Variants in TMEM38B observed in about 807,000 individuals in gnomAD.
TMEM38B encodes transmembrane protein 38B.
A neutral mutation model predicts 28.7 loss-of-function variants in TMEM38B; 24 were observed. That is an observed-to-expected ratio of 0.84 (90% CI 0.61 to 1.18). The LOEUF is 1.18. Among genes scored for constraint, TMEM38B ranks in the 50% most tolerant of loss-of-function variants. The probability of loss-of-function intolerance (pLI) is 0.00; values close to 1 mark genes in which losing one functional copy is unlikely to be tolerated. For missense variants in TMEM38B, 380 were observed against 350.9 expected (o/e 1.08, Z -0.66); for synonymous variants, 131 against 127.7 (o/e 1.03, Z -0.17).
intron 5 of TMEM38B, among the ~76,000 whole-genome samples, chr9:105,754,727 C>G (rs755300881): frequency 6.6e-6 from 1 of 152,010 alleles, no homozygotes; most frequent in South Asian, 2.1e-4. Flanking sequence ...ACTAGAGAAC[C>G]AAGAGGAAAC....
Position 105,721,651 on chromosome 9 carries a change from T to C in TMEM38B, c.384T>C (p.Gly128=). The change falls in exon 3 of 6, where the codon GGT becomes GGC. Residue 128 remains glycine, a synonymous_variant. Coordinates refer to ENST00000374692, the MANE Select transcript of TMEM38B (RefSeq NM_018112.3). ...KEVTRTWKIV[G]GVTHANSYYK... The stretch of plus-strand genomic sequence containing the variant: ...TGACCAGAACTTGGAAAATAGTAGG[T>C]GGAGTCACACATGCTAATAGCTATT... 1 of 1,613,686 alleles carries C rather than the reference T, an allele frequency of 6.2e-7. No homozygotes were observed. The highest frequency in any genetic ancestry group is 8.5e-7 in the Non-Finnish European group (1 of 1,179,706).
chr9:105,753,233 A>G (rs1214872155), intron 5 of TMEM38B, among the ~76,000 whole-genome samples: 1 of 152,208 alleles, frequency 6.6e-6, no homozygotes, highest in Non-Finnish European at 1.5e-5. Context: ...ACCAAGTTGG[A>G]AAACATACTT....
At chr9:105,738,791 C>A (rs1228787259) in intron 4 of TMEM38B, among the ~76,000 whole-genome samples, 1 of 148,686 alleles carries the variant, frequency 6.7e-6, no homozygotes, top group Non-Finnish European at 1.5e-5. Flanking sequence ...TGTCACAGCT[C>A]ACTGCAGCCT....
chr9:105,703,846 CT>C (rs1835545614), intron 1 of TMEM38B, among the ~76,000 whole-genome samples: 1 of 152,058 alleles, frequency 6.6e-6, no homozygotes, highest in South Asian at 2.1e-4. Context: ...TAGATGTCTT[CT>C]TTTGAGAAGT....
chr9:105,772,678 A>C (rs532069804), intron 5 of TMEM38B, among the ~76,000 whole-genome samples: 2 of 152,164 alleles, frequency 1.3e-5, no homozygotes, highest in Non-Finnish European at 2.9e-5. Flanking sequence ...TTTTTTTAAA[A>C]ATTGAGTTCA....
chr9:105,741,914 T>C (rs1189960804), intron 4 of TMEM38B, among the ~76,000 whole-genome samples: 1 of 152,160 alleles, frequency 6.6e-6, no homozygotes, highest in Non-Finnish European at 1.5e-5. Context: ...GTTGAAGGGA[T>C]TGGATGTTTG....
At chr9:105,768,069 A>T (rs1357333256) in intron 5 of TMEM38B, among the ~76,000 whole-genome samples, 2 of 152,110 alleles carry the variant, frequency 1.3e-5, no homozygotes, top group East Asian at 3.8e-4. Context: ...TAAGCATCTT[A>T]TAGATATCCT....
intron 1 of TMEM38B, among the ~76,000 whole-genome samples, chr9:105,696,985 A>C (rs1835310994): frequency 6.6e-6 from 1 of 152,236 alleles, no homozygotes; most frequent in South Asian, 2.1e-4. Context: ...ATAATTTCTA[A>C]GATGCTAAGT....
At chr9:105,713,088 T>A (rs1220423833) in intron 2 of TMEM38B, among the ~76,000 whole-genome samples, 1 of 152,164 alleles carries the variant, frequency 6.6e-6, no homozygotes, top group African/African-American at 2.4e-5. Context: ...TCCAAGTTGG[T>A]GGGGCTGGAG....
At chr9:105,734,889 A>T (rs549057692) in intron 4 of TMEM38B, among the ~76,000 whole-genome samples, 6 of 149,046 alleles carry the variant, frequency 4.0e-5, no homozygotes, top group African/African-American at 1.2e-4. Context: ...TTGTCAGTTC[A>T]ACCATTATAT....
intron 5 of TMEM38B, chr9:105,759,879 G>T (rs1837971583): frequency 1.3e-6 from 2 of 1,591,274 alleles, no homozygotes; most frequent in East Asian, 4.5e-5. Flanking sequence ...GTACAAGAAG[G>T]AATAGTTGTA....
At chr9:105,745,532 T>C (rs1388663824) in intron 4 of TMEM38B, among the ~76,000 whole-genome samples, 2 of 152,218 alleles carry the variant, frequency 1.3e-5, no homozygotes, top group Non-Finnish European at 2.9e-5. Context: ...TCCCATTCTG[T>C]AGGTTGCCTG....
chr9:105,714,331 C>T (rs925832340), intron 2 of TMEM38B, among the ~76,000 whole-genome samples: 31 of 152,200 alleles, frequency 2.0e-4, no homozygotes, highest in African/African-American at 6.8e-4. Flanking sequence ...GCTCACCCTC[C>T]ACTTGTCTGA....
At chr9:105,749,188 T>C (rs1837551216) in intron 5 of TMEM38B, 1 of 1,061,152 alleles carries the variant, frequency 9.4e-7, no homozygotes, top group African/African-American at 1.7e-5. Flanking sequence ...GTATATTTTT[T>C]TCTAACAGCT....
intron 5 of TMEM38B, among the ~76,000 whole-genome samples, chr9:105,768,029 G>A (rs1826430479): frequency 6.6e-6 from 1 of 152,050 alleles, no homozygotes; most frequent in South Asian, 2.1e-4. Context: ...AAAACATTCA[G>A]CCTTTTAACT....
chr9:105,700,930 A>G (rs1835443990), intron 1 of TMEM38B: 1 of 152,026 alleles, frequency 6.6e-6, no homozygotes, highest in Admixed American at 6.6e-5. Context: ...ACATGATTTA[A>G]AGAGCCAGAG....
chr9:105,729,923 A>AT (rs1181934148), intron 4 of TMEM38B, among the ~76,000 whole-genome samples: 1 of 152,050 alleles, frequency 6.6e-6, no homozygotes, highest in African/African-American at 2.4e-5. Flanking sequence ...TTGCACATTG[A>AT]TTTTGTATCC....
At chr9:105,751,385 G>A (rs1022213801) in intron 5 of TMEM38B, among the ~76,000 whole-genome samples, 5 of 152,206 alleles carry the variant, frequency 3.3e-5, no homozygotes, top group Non-Finnish European at 7.3e-5. Context: ...CCGTAGATCA[G>A]GAAATCCCAT....
chr9:105,737,418 G>A (rs1837024262), intron 4 of TMEM38B, among the ~76,000 whole-genome samples: 1 of 152,178 alleles, frequency 6.6e-6, no homozygotes, highest in Non-Finnish European at 1.5e-5. Context: ...TGGGGACTCT[G>A]GACCCTGGGC....
Sources: allele counts gnomAD v4.1 joint callset (sites outside exome capture counted in the v4.1 genomes callset), GRCh38; gene constraint gnomAD v4.1.1; transcripts MANE v1.5; gene names NCBI Gene and HGNC (gene_info 2026-07-23, HGNC 2026-07-21).